Variants in SAMD3 observed in about 807,000 individuals in gnomAD.
SAMD3 encodes the protein sterile alpha motif domain-containing protein 3.
Under a neutral mutation model 58.5 loss-of-function variants are expected in SAMD3, and 63 were observed. That is an observed-to-expected ratio of 1.08 (90% confidence interval 0.88 to 1.33). The LOEUF is 1.33. Ranked by LOEUF, SAMD3 falls within the 40% of genes most tolerant of loss-of-function variation. SAMD3 has a pLI of 0.00. For missense variants in SAMD3, 604 were observed against 608.4 expected, an observed-to-expected ratio of 0.99 and a Z score of 0.08; for synonymous variants, 220 against 210.3, an observed-to-expected ratio of 1.05 and a Z score of -0.40.
At chr6:130,184,288 T>C in intron 6 of SAMD3, 101 bp from the exon 7 acceptor site, 1 of 1,204,604 alleles carries the variant, frequency 8.3e-7, no homozygotes, top group Non-Finnish European at 1.2e-6. Context: ...CATTTTTCTA[T>C]ATAACAAAAA....
intron 4 of SAMD3, among the ~76,000 whole-genome samples, chr6:130,210,083 C>T (rs975472663): frequency 6.6e-5 from 10 of 152,130 alleles, no homozygotes; most frequent in African/African-American, 1.9e-4. Flanking sequence ...CAACTGAAGC[C>T]TAGAAGGCAG....
chr6:130,230,298 G>T (rs935682945), intron 2 of SAMD3, among the ~76,000 whole-genome samples: 6 of 152,142 alleles, frequency 3.9e-5, no homozygotes, highest in Admixed American at 1.3e-4. Flanking sequence ...CTGGGCAGGG[G>T]GACTTTTTTG....
rs757352210 is a variant in SAMD3 at position 130,144,686 on chromosome 6, A to G, written c.1397T>C (p.Leu466Ser). The change falls in exon 12 of 12, where the codon TTG (leucine) becomes TCG (serine). Residue 466 changes from leucine to serine, a missense_variant. Coordinates refer to ENST00000439090, the MANE Select transcript of SAMD3 (RefSeq NM_001017373.4). ...LTKVDDCVTA[L>S]AALVAAFHVF... ...ATGAAAGGCAGCTACTAGCGCAGCCAAGGCTGTAACACAGTCGTCCACCTT... is the reference window on the plus strand; with the variant it reads ...ATGAAAGGCAGCTACTAGCGCAGCCGAGGCTGTAACACAGTCGTCCACCTT... 1.2e-6 allele frequency: 2 copies of G among 1,614,206 alleles called. No individual in the cohort carries two copies. The highest frequency in any genetic ancestry group is 1.7e-6 in the Non-Finnish European group (2 of 1,180,010).
At chr6:130,287,305 T>G (rs1377785535) in intron 2 of SAMD3, among the ~76,000 whole-genome samples, 1 of 152,224 alleles carries the variant, frequency 6.6e-6, no homozygotes, top group East Asian at 1.9e-4. Context: ...AATATATGCC[T>G]TGTTTAAGGA....
In SAMD3 at chr6:130,151,308, A is replaced by C. The variant is rs528396742; in HGVS notation, c.1023+3517T>G. Among the ~76,000 whole-genome samples, 7 of 152,112 alleles carry C rather than the reference A, an allele frequency of 4.6e-5. No individual in the cohort carries two copies. The South Asian group carries it at 1.5e-3, about 32-fold the overall frequency. On this transcript the variant is annotated intron_variant, in intron 9 of 11. Coordinates refer to ENST00000439090, the MANE Select transcript of SAMD3 (RefSeq NM_001017373.4). Reference sequence around the variant, plus strand: ...AGGGTCCTGCATTGCCTGTACCTTAATGCCTGAGTGCAGTTGCCTCATACA... The same window carrying C: ...AGGGTCCTGCATTGCCTGTACCTTACTGCCTGAGTGCAGTTGCCTCATACA...
chr6:130,179,391 T>C (rs1214149730), intron 7 of SAMD3, among the ~76,000 whole-genome samples: 1 of 152,162 alleles, frequency 6.6e-6, no homozygotes, highest in Admixed American at 6.5e-5. Flanking sequence ...AAGTTCTACA[T>C]GAAGACAGCT....
intron 1 of SAMD3, among the ~76,000 whole-genome samples, chr6:130,332,054 C>A (rs1776950149): frequency 6.6e-6 from 1 of 152,076 alleles, no homozygotes; most frequent in Non-Finnish European, 1.5e-5. Flanking sequence ...GAGGCTATGG[C>A]AGTAGATAAA....
At chr6:130,321,756 C>T (rs1583103194) in intron 1 of SAMD3, among the ~76,000 whole-genome samples, 1 of 151,850 alleles carries the variant, frequency 6.6e-6, no homozygotes, top group Admixed American at 6.6e-5. Flanking sequence ...CGAAACACTG[C>T]CTGGCCAAGC....
At chr6:130,359,542 C>G (rs1777926840) in intron 1 of SAMD3, among the ~76,000 whole-genome samples, 1 of 152,172 alleles carries the variant, frequency 6.6e-6, no homozygotes, top group South Asian at 2.1e-4. Context: ...TTGAATTCTC[C>G]TTTGAACAAA....
intron 1 of SAMD3, among the ~76,000 whole-genome samples, chr6:130,340,378 G>T (rs1777232107): frequency 1.3e-5 from 2 of 152,138 alleles, no homozygotes; most frequent in East Asian, 3.8e-4. Flanking sequence ...ATTTTTCTCT[G>T]ATTTTGACTC....
At chr6:130,242,437 G>A (rs1773391714) in intron 2 of SAMD3, among the ~76,000 whole-genome samples, 1 of 152,214 alleles carries the variant, frequency 6.6e-6, no homozygotes, top group African/African-American at 2.4e-5. Flanking sequence ...AAAAGTTCTT[G>A]TTTTCTAGAA....
chr6:130,271,526 T>C (rs2114936843), intron 2 of SAMD3, among the ~76,000 whole-genome samples: 1 of 152,346 alleles, frequency 6.6e-6, no homozygotes, highest in East Asian at 1.9e-4. Flanking sequence ...AAATTGTTGA[T>C]TTGTAAATAC....
At chr6:130,348,622 A>C (rs1488337578) in intron 1 of SAMD3, among the ~76,000 whole-genome samples, 1 of 152,208 alleles carries the variant, frequency 6.6e-6, no homozygotes, top group African/African-American at 2.4e-5. Context: ...CCCACACAAT[A>C]ATAATGGGAG....
upstream of SAMD3, among the ~76,000 whole-genome samples, chr6:130,223,539 A>G (rs976285784): frequency 2.6e-5 from 4 of 152,358 alleles, no homozygotes; most frequent in Admixed American, 2.6e-4. Flanking sequence ...CTCAGCTGGT[A>G]GAGTCAAGCT....
chr6:130,215,944 T>C, intron 2 of SAMD3: 1 of 999,776 alleles, frequency 1.0e-6, no homozygotes, highest in Non-Finnish European at 1.5e-6. Flanking sequence ...TACATACCCC[T>C]CTGAGTTCTA....
At chr6:130,149,407 A>G (rs746766914) in intron 9 of SAMD3, among the ~76,000 whole-genome samples, 59 of 152,254 alleles carry the variant, frequency 3.9e-4, no homozygotes, top group Non-Finnish European at 7.6e-4. Flanking sequence ...AGAAAGACGC[A>G]TGCACACATA....
At chr6:130,360,028 A>G (rs1442475770) in intron 1 of SAMD3, among the ~76,000 whole-genome samples, 3 of 152,190 alleles carry the variant, frequency 2.0e-5, no homozygotes, top group Non-Finnish European at 4.4e-5. Flanking sequence ...ATAAACTAAA[A>G]ATTGAAGGAG....
At chr6:130,230,231 A>T (rs1308421579) in intron 2 of SAMD3, among the ~76,000 whole-genome samples, 1 of 152,158 alleles carries the variant, frequency 6.6e-6, no homozygotes, top group Non-Finnish European at 1.5e-5. Context: ...GGTTTGCATC[A>T]CAATCCAAAG....
chr6:130,188,519 G>C (rs1410482971), intron 5 of SAMD3, among the ~76,000 whole-genome samples: 1 of 152,178 alleles, frequency 6.6e-6, no homozygotes, highest in Non-Finnish European at 1.5e-5. Context: ...ACTGGTCCGT[G>C]ATTGCATTCA....
Sources: allele counts gnomAD v4.1 joint callset (sites outside exome capture counted in the v4.1 genomes callset), GRCh38; gene constraint gnomAD v4.1.1; transcripts MANE v1.5; gene names NCBI Gene and HGNC (gene_info 2026-07-23, HGNC 2026-07-21).